The following CEP164 variants were observed in gnomAD, a reference collection of about 807,000 sequenced individuals.
CEP164 encodes the protein centrosomal protein 164, also known as centrosomal protein of 164 kDa.
In CEP164, 162 loss-of-function variants were observed where a neutral mutation model predicts 182.7. The ratio of observed to expected loss-of-function variants is 0.89; its 90% confidence interval spans 0.78 to 1.01. The LOEUF is 1.01. CEP164 is among the 50% of genes least tolerant of loss of function. CEP164 has a pLI of 0.00. For synonymous variants in CEP164, 661 were observed against 690.0 expected (o/e 0.96, Z 0.66); for missense variants, 1,735 against 1,790.4 (o/e 0.97, Z 0.56).
intron 5 of CEP164, among the ~76,000 whole-genome samples, chr11:117,356,907 G>A (rs896568969): frequency 4.6e-5 from 7 of 152,032 alleles, no homozygotes; most frequent in Non-Finnish European, 7.4e-5. Context: ...TCAGTTTTGC[G>A]GGTGAGCAGA....
chr11:117,395,861 A>C (rs1335513498), intron 24 of CEP164, 139 bp downstream of exon 24: 1 of 1,233,196 alleles, frequency 8.1e-7, no homozygotes, highest in Non-Finnish European at 1.1e-6. Context: ...CTGTGGCTAC[A>C]TTTTGTAGGG....
chr11:117,370,243 C>T (rs11216368), intron 8 of CEP164, among the ~76,000 whole-genome samples: 7 of 151,790 alleles, frequency 4.6e-5, no homozygotes, highest in African/African-American at 1.5e-4. Flanking sequence ...ATGCTGTCTC[C>T]GAGGCTGCTG....
chr11:117,342,164 G>T (rs537334813), intron 3 of CEP164, among the ~76,000 whole-genome samples: 9 of 152,108 alleles, frequency 5.9e-5, no homozygotes, highest in Non-Finnish European at 1.3e-4. Context: ...GCAGTGACTA[G>T]TTTTTTTCTT....
chr11:117,382,702 C>T (rs1272350106), intron 13 of CEP164, 94 bp from the exon 14 acceptor site: 56 of 1,440,342 alleles, frequency 3.9e-5, no homozygotes, highest in Non-Finnish European at 5.2e-5. Flanking sequence ...TCTCTCTTGT[C>T]TCTGTCATAG....
At chr11:117,347,137 A>G (rs1360997526) in intron 4 of CEP164, among the ~76,000 whole-genome samples, 1 of 152,134 alleles carries the variant, frequency 6.6e-6, no homozygotes, top group Non-Finnish European at 1.5e-5. Context: ...GTAGAGATGT[A>G]GCACAATTTT....
At chr11:117,382,011 C>T (rs914166123) in intron 13 of CEP164, 143 bp downstream of exon 13, 5 of 562,280 alleles carry the variant, frequency 8.9e-6, no homozygotes, top group Non-Finnish European at 1.5e-5. Flanking sequence ...TTTGTAGCCT[C>T]AGCAGCAGCA....
At chr11:117,345,425 C>T (rs1207513579) in intron 4 of CEP164, among the ~76,000 whole-genome samples, 1 of 152,142 alleles carries the variant, frequency 6.6e-6, no homozygotes, top group Non-Finnish European at 1.5e-5. Context: ...AGCTTGTCTC[C>T]CTAAAGTGAG....
intron 4 of CEP164, among the ~76,000 whole-genome samples, chr11:117,348,341 G>A (rs902166807): frequency 4.6e-5 from 7 of 152,002 alleles, no homozygotes; most frequent in Middle Eastern, 3.2e-3. Context: ...AAATAACAAC[G>A]GATCATTTTA....
intron 25 of CEP164, 97 bp downstream of exon 25, chr11:117,396,277 C>A: frequency 7.2e-7 from 1 of 1,382,442 alleles, no homozygotes; most frequent in Non-Finnish European, 1.0e-6. Context: ...GAGGGGACAG[C>A]TCATCAGGAG....
intron 15 of CEP164, among the ~76,000 whole-genome samples, chr11:117,388,977 A>T (rs2044275786): frequency 6.6e-6 from 1 of 151,468 alleles, no homozygotes; most frequent in Non-Finnish European, 1.5e-5. Flanking sequence ...TCACTGGGTT[A>T]GCCAGGATGG....
At chr11:117,359,432 G>T in intron 5 of CEP164, 1 of 985,428 alleles carries the variant, frequency 1.0e-6, no homozygotes, top group Non-Finnish European at 1.2e-6. Context: ...TCTACAACAG[G>T]CCAGATGATT....
Position 117,346,329 on chromosome 11 carries a change from C to T in CEP164, c.194+2052C>T, listed in dbSNP as rs541053628. Among the ~76,000 whole-genome samples the T allele has an allele frequency of 5.3e-5, 8 of 151,742 alleles. No individual in the cohort carries two copies. In the East Asian group the frequency reaches 5.9e-4, roughly 11 times the overall value. ...TGTCGCCCAGGCTGGAGTGCAATGG[C>T]GCAATCTTGGCTCACTGCAACCTCG... is the stretch of plus-strand genomic sequence containing the variant. On this transcript the variant is annotated intron_variant, in intron 4 of 32. Transcript: ENST00000278935.
chr11:117,384,349 G>T (rs1477172156), intron 14 of CEP164, among the ~76,000 whole-genome samples: 2 of 152,230 alleles, frequency 1.3e-5, no homozygotes, highest in East Asian at 3.8e-4. Flanking sequence ...CTTTCAGATG[G>T]TGATACATCC....
At chr11:117,333,529 C>CT (rs2036546126) in intron 1 of CEP164, among the ~76,000 whole-genome samples, 1 of 152,034 alleles carries the variant, frequency 6.6e-6, no homozygotes, top group African/African-American at 2.4e-5. Flanking sequence ...TCCTGGCTTC[C>CT]ATTCCTCTCT....
At chr11:117,401,026 G>A (rs1451419550) in intron 27 of CEP164, among the ~76,000 whole-genome samples, 1 of 152,156 alleles carries the variant, frequency 6.6e-6, no homozygotes, top group Non-Finnish European at 1.5e-5. Flanking sequence ...ATACTGTGTT[G>A]AATAGGAGTG....
chr11:117,387,199 GT>G lies in CEP164; in HGVS notation c.1725-3del. On this transcript the variant is annotated splice_polypyrimidine_tract_variant and splice_region_variant and intron_variant, in intron 14 of 32. Coordinates refer to ENST00000278935, the MANE Select transcript of CEP164 (RefSeq NM_014956.5). Reference sequence around the variant, plus strand: ...GATGATATGCCATTCCCCACCCATGGTAGGCGATCCACAGAGCCTGTGGCTC... The same window carrying G: ...GATGATATGCCATTCCCCACCCATGGAGGCGATCCACAGAGCCTGTGGCTC... The G allele has an allele frequency of 6.2e-7, 1 of 1,613,930 alleles. No homozygotes were observed. Among genetic ancestry groups the G allele is most frequent in the Non-Finnish European group, 8.5e-7 (1 of 1,179,864 alleles).
intron 15 of CEP164, 41 bp downstream of exon 15, chr11:117,387,453 A>T: frequency 1.9e-6 from 3 of 1,593,230 alleles, no homozygotes; most frequent in Non-Finnish European, 1.7e-6. Context: ...GGGGCCTTTC[A>T]GGGATGTGAG....
At chr11:117,326,321 C>T (rs369170268), upstream of CEP164, among the ~76,000 whole-genome samples, 13 of 152,280 alleles carry the variant, frequency 8.5e-5, no homozygotes, top group East Asian at 1.7e-3. Flanking sequence ...CTCCACCTCC[C>T]GGGTTTAAGT....
At chr11:117,397,998 C>CTTCTGGA (rs2045696867) in intron 27 of CEP164, among the ~76,000 whole-genome samples, 1 of 152,210 alleles carries the variant, frequency 6.6e-6, no homozygotes, top group Non-Finnish European at 1.5e-5. Context: ...AGAGTCTCAT[C>CTTCTGGA]TGAGACAAGG....
Sources: allele counts gnomAD v4.1 joint callset (sites outside exome capture counted in the v4.1 genomes callset), GRCh38; gene constraint gnomAD v4.1.1; transcripts MANE v1.5; gene names NCBI Gene and HGNC (gene_info 2026-07-23, HGNC 2026-07-21).